Variants in CDKAL1 observed in about 807,000 individuals in gnomAD.
CDKAL1 encodes the protein CDKAL1 threonylcarbamoyladenosine tRNA methylthiotransferase.
Under a neutral mutation model 68.2 loss-of-function variants are expected in CDKAL1, and 32 were observed. The observed-to-expected ratio is 0.47, with a 90% CI of 0.35 to 0.63. The LOEUF is 0.63. Ranked by LOEUF, CDKAL1 falls within the 30% of genes least tolerant of loss-of-function variation. CDKAL1 has a pLI of 0.00. For missense variants in CDKAL1, 606 were observed against 696.7 expected (o/e 0.87, Z 1.47); for synonymous variants, 234 against 244.3 (o/e 0.96, Z 0.39).
chr6:21,103,427 T>G (rs1404644407), intron 12 of CDKAL1, among the ~76,000 whole-genome samples: 4 of 109,284 alleles, frequency 3.7e-5, no homozygotes, highest in African/African-American at 1.5e-4. Flanking sequence ...GAGTTTAAAC[T>G]TGAGTATAAG....
chr6:20,637,185 T>C (rs992981607), intron 4 of CDKAL1, among the ~76,000 whole-genome samples: 1 of 151,978 alleles, frequency 6.6e-6, no homozygotes, highest in Non-Finnish European at 1.5e-5. Flanking sequence ...AATGAAGTGG[T>C]AGATGAGTGA....
chr6:20,648,718 C>A (rs1768606400), intron 4 of CDKAL1, among the ~76,000 whole-genome samples: 1 of 152,136 alleles, frequency 6.6e-6, no homozygotes, highest in South Asian at 2.1e-4. Context: ...ATAGTAGCAA[C>A]TTTAGGTATT....
chr6:20,860,631 G>A (rs375449861), intron 9 of CDKAL1, among the ~76,000 whole-genome samples: 2 of 151,808 alleles, frequency 1.3e-5, no homozygotes, highest in East Asian at 3.9e-4. Context: ...CGAGACCATC[G>A]TGGCCAACAT....
At chr6:21,214,530 G>A (rs1294966262) in intron 15 of CDKAL1, among the ~76,000 whole-genome samples, 1 of 151,630 alleles carries the variant, frequency 6.6e-6, no homozygotes, top group African/African-American at 2.4e-5. Flanking sequence ...CCAACTGCTG[G>A]TCCCTCTGCT....
intron 9 of CDKAL1, among the ~76,000 whole-genome samples, chr6:20,932,612 C>G: frequency 6.6e-6 from 1 of 152,136 alleles, no homozygotes; most frequent in East Asian, 1.9e-4. Context: ...AACCTCTTTC[C>G]TTAACAGAAG....
At chr6:20,951,823 A>T (rs910268069) in intron 9 of CDKAL1, among the ~76,000 whole-genome samples, 2 of 151,798 alleles carry the variant, frequency 1.3e-5, no homozygotes, top group East Asian at 1.9e-4. Context: ...AAAAAACCCT[A>T]ATTTCTGTCT....
intron 12 of CDKAL1, among the ~76,000 whole-genome samples, chr6:21,098,873 C>T (rs1282103896): frequency 1.3e-5 from 2 of 152,104 alleles, no homozygotes; most frequent in African/African-American, 4.8e-5. Context: ...AGGAACAAGA[C>T]ACTGCCTTTG....
chr6:20,716,589 T>G (rs1772106532), intron 5 of CDKAL1, among the ~76,000 whole-genome samples: 1 of 151,898 alleles, frequency 6.6e-6, no homozygotes, highest in Non-Finnish European at 1.5e-5. Context: ...TTGGTTTGGT[T>G]GGGTCTGGGT....
chr6:20,534,670 G>C (rs1158068754), intron 1 of CDKAL1, 96 bp downstream of exon 1: 1 of 152,456 alleles, frequency 6.6e-6, no homozygotes, highest in Non-Finnish European at 1.5e-5. Flanking sequence ...TTCTTGGGCT[G>C]TTTGCAAATT....
chr6:20,879,355 A>C (rs2150558605), intron 9 of CDKAL1, among the ~76,000 whole-genome samples: 1 of 152,344 alleles, frequency 6.6e-6, no homozygotes, highest in African/African-American at 2.4e-5. Flanking sequence ...GGAGTAGAGT[A>C]CACCTGCTGG....
intron 13 of CDKAL1, among the ~76,000 whole-genome samples, chr6:21,136,681 A>G (rs974223533): frequency 1.1e-4 from 16 of 152,034 alleles, no homozygotes; most frequent in African/African-American, 3.9e-4. Flanking sequence ...TTTTTCTAAG[A>G]TGGATATTTA....
intron 9 of CDKAL1, among the ~76,000 whole-genome samples, chr6:20,863,225 G>T (rs890556932): frequency 3.3e-5 from 5 of 152,128 alleles, no homozygotes; most frequent in African/African-American, 4.8e-5. Context: ...ACTGTAGGAT[G>T]ACATGATGCT....
intron 5 of CDKAL1, among the ~76,000 whole-genome samples, chr6:20,724,605 TACTCAGG>T: frequency 6.6e-6 from 1 of 152,204 alleles, no homozygotes; most frequent in South Asian, 2.1e-4. Flanking sequence ...TAGTCCCAGC[TACTCAGG>T]AGGCTGAGCC....
intron 6 of CDKAL1, among the ~76,000 whole-genome samples, chr6:20,754,105 A>G (rs912745887): frequency 6.6e-6 from 1 of 152,004 alleles, no homozygotes; most frequent in Admixed American, 6.6e-5. Flanking sequence ...TTAGCCTCTC[A>G]AGTATTTAGG....
Position 21,031,140 on chromosome 6 carries a change from C to T in CDKAL1, c.1055+30768C>T, listed in dbSNP as rs398913. Among the ~76,000 whole-genome samples, 331 of 152,092 alleles carry T rather than the reference C, an allele frequency of 2.2e-3. 1 individual carries two copies. Among genetic ancestry groups the T allele is most frequent in the African/African-American group, 6.8e-3 (282 of 41,516 alleles). ...TGGGCTCAGGGTCCTCTCCCAAGCT[C>T]ACTGGTTGTTGAGAAAGATCATTTC... is the stretch of plus-strand genomic sequence containing the variant. On this transcript the variant is annotated intron_variant, in intron 11 of 15. Transcript: ENST00000274695.
At chr6:20,885,369 A>G (rs1227863772) in intron 9 of CDKAL1, among the ~76,000 whole-genome samples, 2 of 152,210 alleles carry the variant, frequency 1.3e-5, no homozygotes, top group African/African-American at 2.4e-5. Context: ...AACCCATACA[A>G]CTGTAGCCAA....
chr6:20,555,053 A>G (rs1346114492), intron 4 of CDKAL1, among the ~76,000 whole-genome samples: 2 of 152,182 alleles, frequency 1.3e-5, no homozygotes, highest in Admixed American at 6.5e-5. Context: ...GTTTCTTTGT[A>G]TATGTGTTTA....
At chr6:20,704,743 T>A (rs1771523524) in intron 5 of CDKAL1, among the ~76,000 whole-genome samples, 1 of 152,224 alleles carries the variant, frequency 6.6e-6, no homozygotes, top group Non-Finnish European at 1.5e-5. Flanking sequence ...TTGCTCATTG[T>A]TTCTCAAATT....
At chr6:20,599,841 T>C (rs147803990) in intron 4 of CDKAL1, among the ~76,000 whole-genome samples, 4,011 of 152,280 alleles carry the variant, frequency 0.026, 68 homozygotes, top group Non-Finnish European at 0.037. Context: ...CATGTGTGAC[T>C]GTATGATTGT....
Sources: allele counts gnomAD v4.1 joint callset (sites outside exome capture counted in the v4.1 genomes callset), GRCh38; gene constraint gnomAD v4.1.1; transcripts MANE v1.5; gene names NCBI Gene and HGNC (gene_info 2026-07-23, HGNC 2026-07-21).